Variants in PTPRT observed in about 807,000 individuals in gnomAD.
PTPRT encodes the protein protein tyrosine phosphatase receptor type T.
PTPRT carries 56 observed loss-of-function variants against 176.8 expected under a neutral mutation model. That is an observed-to-expected ratio of 0.32 (90% CI 0.26 to 0.40). The LOEUF (loss-of-function observed/expected upper bound fraction) is 0.40, where lower values mean the gene tolerates loss of function less well. Among genes scored for constraint, PTPRT ranks in the 10% least tolerant of loss-of-function variants. The pLI is 1.00. For synonymous variants in PTPRT, 783 were observed against 739.0 expected, an observed-to-expected ratio of 1.06 and a Z score of -0.96; for missense variants, 1,540 against 1,908.2, an observed-to-expected ratio of 0.81 and a Z score of 3.60.
At chr20:42,201,937 A>G (rs1277562935) in intron 15 of PTPRT, among the ~76,000 whole-genome samples, 1 of 92,402 alleles carries the variant, frequency 1.1e-5, no homozygotes, top group East Asian at 2.4e-4. Context: ...CCCAACCAAG[A>G]AGAGAAAAGT....
chr20:43,076,874 C>T (rs2011293748), intron 1 of PTPRT, among the ~76,000 whole-genome samples: 1 of 152,182 alleles, frequency 6.6e-6, no homozygotes, highest in Non-Finnish European at 1.5e-5. Flanking sequence ...AAGTCATACC[C>T]TTCTCTCAGG....
At chr20:43,044,193 A>T (rs1361597538) in intron 1 of PTPRT, among the ~76,000 whole-genome samples, 1 of 152,038 alleles carries the variant, frequency 6.6e-6, no homozygotes, top group Middle Eastern at 3.2e-3. Flanking sequence ...CCAGAAAACA[A>T]ATCCAGGAAG....
At chr20:42,569,904 C>T (rs747302381) in intron 7 of PTPRT, among the ~76,000 whole-genome samples, 4 of 152,126 alleles carry the variant, frequency 2.6e-5, no homozygotes, top group East Asian at 1.9e-4. Flanking sequence ...ATTTTGTGCT[C>T]GGTTCCTTAC....
At chr20:42,285,967 T>C (rs572124393) in intron 12 of PTPRT, among the ~76,000 whole-genome samples, 1 of 151,844 alleles carries the variant, frequency 6.6e-6, no homozygotes, top group South Asian at 2.1e-4. Context: ...AAGAAATCAA[T>C]AAGGCAATCT....
intron 25 of PTPRT, among the ~76,000 whole-genome samples, chr20:42,103,534 C>T (rs1437784181): frequency 2.6e-5 from 4 of 152,184 alleles, no homozygotes; most frequent in Admixed American, 6.5e-5. Context: ...GGCACAATCT[C>T]GGCTCACTGC....
chr20:42,205,325 A>G (rs2055428248), intron 15 of PTPRT, among the ~76,000 whole-genome samples: 1 of 152,338 alleles, frequency 6.6e-6, no homozygotes, highest in South Asian at 2.1e-4. Flanking sequence ...TCCCAAAGTT[A>G]GAAGTTCCCT....
At chr20:42,187,247 A>C (rs949602439) in intron 16 of PTPRT, among the ~76,000 whole-genome samples, 1 of 151,990 alleles carries the variant, frequency 6.6e-6, no homozygotes. Flanking sequence ...TTATGCTACT[A>C]ATGGTTATTA....
chr20:42,588,182 G>A (rs1358568017), intron 7 of PTPRT, among the ~76,000 whole-genome samples: 1 of 152,170 alleles, frequency 6.6e-6, no homozygotes, highest in Non-Finnish European at 1.5e-5. Context: ...AGTGGCTCAT[G>A]CCTGTAATCC....
At position 42,474,560 on chromosome 20, in the gene PTPRT, C is replaced by T. The variant is rs564758928; in HGVS notation, c.1154-1998G>A. On this transcript the variant is annotated intron_variant, in intron 7 of 30. Transcript: ENST00000373187. ...CCTTTGGGCAAAGCAGAGCCAGCATCCCCAAATCAAATGGGTGACCCTGAG... is the reference window on the plus strand; with the variant it reads ...CCTTTGGGCAAAGCAGAGCCAGCATTCCCAAATCAAATGGGTGACCCTGAG... 2.3e-4 allele frequency among the ~76,000 whole-genome samples: 35 copies of T among 152,272 alleles called. 1 individual carries two copies. The South Asian group carries it at 7.3e-3, about 32-fold the overall frequency.
chr20:42,843,008 T>C (rs550257007), intron 2 of PTPRT, among the ~76,000 whole-genome samples: 83 of 152,306 alleles, frequency 5.4e-4, no homozygotes, highest in African/African-American at 1.9e-3. Flanking sequence ...TACGAACACC[T>C]AGACCACAGA....
intron 1 of PTPRT, among the ~76,000 whole-genome samples, chr20:43,023,659 A>C (rs1249788832): frequency 2.0e-5 from 3 of 152,214 alleles, no homozygotes; most frequent in African/African-American, 7.2e-5. Context: ...CTGCCTGAGC[A>C]AGGGCCTAGA....
intron 6 of PTPRT, among the ~76,000 whole-genome samples, chr20:42,729,322 A>C (rs1243627880): frequency 6.6e-6 from 1 of 152,216 alleles, no homozygotes; most frequent in Non-Finnish European, 1.5e-5. Flanking sequence ...AGGGGAGAAA[A>C]AAACAGAGGA....
At chr20:42,361,940 A>G (rs898489813) in intron 9 of PTPRT, among the ~76,000 whole-genome samples, 1 of 152,236 alleles carries the variant, frequency 6.6e-6, no homozygotes, top group African/African-American at 2.4e-5. Flanking sequence ...CTTAAAGAGC[A>G]TCGGCAATAT....
chr20:42,345,878 A>G (rs1199246266), intron 11 of PTPRT, among the ~76,000 whole-genome samples: 1 of 152,134 alleles, frequency 6.6e-6, no homozygotes, highest in Non-Finnish European at 1.5e-5. Context: ...AAACAAGGCT[A>G]AGGACAGATT....
intron 1 of PTPRT, among the ~76,000 whole-genome samples, chr20:43,083,393 C>G (rs1392767227): frequency 1.8e-5 from 2 of 110,886 alleles, no homozygotes; most frequent in Non-Finnish European, 3.8e-5. Context: ...CAGAGTCTCG[C>G]TCTGTGGCCC....
At chr20:43,094,244 C>G (rs752183237) in intron 1 of PTPRT, among the ~76,000 whole-genome samples, 1 of 151,056 alleles carries the variant, frequency 6.6e-6, no homozygotes, top group Non-Finnish European at 1.5e-5. Flanking sequence ...TGCACCATCA[C>G]GCCCAGCTAA....
intron 7 of PTPRT, among the ~76,000 whole-genome samples, chr20:42,661,234 G>A (rs1006429333): frequency 4.6e-5 from 7 of 152,172 alleles, no homozygotes; most frequent in East Asian, 1.9e-4. Flanking sequence ...ACTTTTAAAG[G>A]GACATGTAAA....
chr20:42,819,518 A>G (rs1474172466), intron 2 of PTPRT, among the ~76,000 whole-genome samples: 1 of 152,204 alleles, frequency 6.6e-6, no homozygotes, highest in Non-Finnish European at 1.5e-5. Flanking sequence ...ACCAAATAGC[A>G]TCATGATGAC....
At chr20:42,100,608 C>G (rs1600508397) in intron 26 of PTPRT, among the ~76,000 whole-genome samples, 1 of 152,242 alleles carries the variant, frequency 6.6e-6, no homozygotes, top group East Asian at 1.9e-4. Flanking sequence ...TGATCTTTGC[C>G]TGGATGAGGA....
Sources: allele counts gnomAD v4.1 joint callset (sites outside exome capture counted in the v4.1 genomes callset), GRCh38; gene constraint gnomAD v4.1.1; transcripts MANE v1.5; gene names NCBI Gene and HGNC (gene_info 2026-07-23, HGNC 2026-07-21).